Variants in PLB1 observed in about 807,000 individuals in gnomAD.
The protein encoded by PLB1 is phospholipase B1.
A neutral mutation model predicts 227.4 loss-of-function variants in PLB1; 242 were observed. That is an observed-to-expected ratio of 1.06 (90% CI 0.96 to 1.18). The LOEUF (loss-of-function observed/expected upper bound fraction) is 1.18, where lower values mean the gene tolerates loss of function less well. Ranked by LOEUF, PLB1 falls within the 50% of genes most tolerant of loss-of-function variation. PLB1 has a pLI of 0.00. For synonymous variants in PLB1, 757 were observed against 682.2 expected (o/e 1.11, Z -1.71); for missense variants, 1,858 against 1,816.3 (o/e 1.02, Z -0.42).
intron 31 of PLB1, 97 bp from the exon 32 acceptor site, chr2:28,592,564 G>T: frequency 8.1e-7 from 1 of 1,228,666 alleles, no homozygotes. Flanking sequence ...CAGTGCTCAT[G>T]CAGATTGTGT....
intron 6 of PLB1, among the ~76,000 whole-genome samples, chr2:28,528,513 C>T (rs766479616): frequency 6.6e-5 from 10 of 152,200 alleles, no homozygotes; most frequent in South Asian, 4.1e-4. Context: ...GAAGGCAGCC[C>T]GAGTCCCTGT....
At chr2:28,533,726 A>C (rs1671318617) in intron 9 of PLB1, among the ~76,000 whole-genome samples, 1 of 152,246 alleles carries the variant, frequency 6.6e-6, no homozygotes, top group Non-Finnish European at 1.5e-5. Context: ...GTATGAATGC[A>C]TTTATGAATA....
intron 21 of PLB1, among the ~76,000 whole-genome samples, chr2:28,577,473 C>A (rs553808728): frequency 6.6e-6 from 1 of 152,298 alleles, no homozygotes; most frequent in African/African-American, 2.4e-5. Flanking sequence ...TACTTACAGG[C>A]AAAACTTCTG....
intron 56 of PLB1, 192 bp downstream of exon 56, chr2:28,633,231 A>G (rs1688890199): frequency 3.5e-6 from 2 of 564,546 alleles, no homozygotes; most frequent in African/African-American, 1.9e-5. Flanking sequence ...CACCCTTTGA[A>G]AGTTATACAA....
In PLB1 at chr2:28,630,624, T is replaced by C. The variant is rs938156811; in HGVS notation, c.3857T>C (p.Leu1286Pro). 4 of 1,613,630 alleles carry C rather than the reference T, an allele frequency of 2.5e-6. No homozygotes were observed. Among genetic ancestry groups the C allele is most frequent in the Non-Finnish European group, 3.4e-6 (4 of 1,179,804 alleles). ...TGCCTCAGACACTCGCAAAGCTCCC[T>C]GGAGAAGCAAGAACTGAAGAAAGTG... ...CTCLRHSQSSLEKQELKKVNW... is the reference protein window; with the variant it reads ...CTCLRHSQSSPEKQELKKVNW... Residue 1286 changes from leucine to proline, a missense_variant, in exon 54 of 58, where the codon CTG becomes CCG. Coordinates refer to ENST00000327757, the MANE Select transcript of PLB1 (RefSeq NM_153021.5).
At chr2:28,582,197 G>C (rs1680144786) in intron 24 of PLB1, 64 bp downstream of exon 24, 1 of 1,547,886 alleles carries the variant, frequency 6.5e-7, no homozygotes, top group Non-Finnish European at 8.9e-7. Context: ...GGAAGCTCTG[G>C]CATCCTGCTG....
At chr2:28,623,253 C>T (rs1687282012) in intron 49 of PLB1, among the ~76,000 whole-genome samples, 1 of 152,150 alleles carries the variant, frequency 6.6e-6, no homozygotes, top group East Asian at 1.9e-4. Context: ...CCACTGGTCC[C>T]TGGGGTAAAA....
intron 37 of PLB1, 55 bp from the exon 38 acceptor site, chr2:28,601,844 A>C: frequency 7.0e-7 from 1 of 1,434,980 alleles, no homozygotes; most frequent in South Asian, 1.1e-5. Flanking sequence ...GAACTGCCCC[A>C]CTGCCCTCCC....
At chr2:28,636,033 G>GTGTGTGTGTGTA (rs1553467799) in intron 56 of PLB1, among the ~76,000 whole-genome samples, 4 of 149,692 alleles carry the variant, frequency 2.7e-5, no homozygotes, top group African/African-American at 7.4e-5. Flanking sequence ...GTGTGTATGT[G>GTGTGTGTGTGTA]TGTGTGTGTA....
chr2:28,525,224 C>T (rs1356696602), intron 4 of PLB1, 43 bp from the exon 5 acceptor site: 4 of 1,598,022 alleles, frequency 2.5e-6, no homozygotes, highest in South Asian at 2.2e-5. Context: ...AGAGGCTCTG[C>T]CACCTCCCCT....
chr2:28,537,400 A>C (rs1440785837), intron 9 of PLB1, among the ~76,000 whole-genome samples: 3 of 152,114 alleles, frequency 2.0e-5, no homozygotes, highest in Non-Finnish European at 4.4e-5. Context: ...CACATTGAAA[A>C]GGTAAAGCAG....
At chr2:28,599,972 A>T (rs1003813607) in intron 35 of PLB1, among the ~76,000 whole-genome samples, 4 of 151,922 alleles carry the variant, frequency 2.6e-5, no homozygotes, top group African/African-American at 9.7e-5. Context: ...CTATGGCATG[A>T]TCTCAGTTCA....
At chr2:28,571,941 G>C (rs765762881) in intron 20 of PLB1, among the ~76,000 whole-genome samples, 5 of 152,108 alleles carry the variant, frequency 3.3e-5, no homozygotes. Flanking sequence ...GATATTTTGC[G>C]CTTCAAAGGA....
intron 2 of PLB1, among the ~76,000 whole-genome samples, chr2:28,517,723 C>A (rs1669016934): frequency 1.3e-5 from 2 of 152,194 alleles, no homozygotes; most frequent in South Asian, 2.1e-4. Flanking sequence ...TTAATTACTT[C>A]TTTTCCTGAG....
At chr2:28,639,933 G>A (rs1488477075) in intron 56 of PLB1, among the ~76,000 whole-genome samples, 5 of 152,280 alleles carry the variant, frequency 3.3e-5, no homozygotes, top group East Asian at 1.9e-4. Context: ...TGCACAGCTC[G>A]TTACCAGCAG....
At chr2:28,526,187 G>T (rs1670240240) in intron 6 of PLB1, among the ~76,000 whole-genome samples, 1 of 152,110 alleles carries the variant, frequency 6.6e-6, no homozygotes, top group Non-Finnish European at 1.5e-5. Context: ...TGGGCATTGG[G>T]TTAAGATTGG....
intron 53 of PLB1, 114 bp from the exon 54 acceptor site, chr2:28,630,472 A>G: frequency 1.2e-6 from 1 of 804,272 alleles, no homozygotes; most frequent in East Asian, 2.7e-5. Flanking sequence ...GTAAGGCAGC[A>G]CAGGCTGCAG....
In PLB1 at chr2:28,598,744, C is replaced by A. The variant is rs554962779; in HGVS notation, c.2458C>A (p.Pro820Thr). 1.2e-6 allele frequency: 2 copies of A among 1,613,916 alleles called. No homozygotes were observed. The highest frequency in any genetic ancestry group is 1.7e-5 in the Admixed American group (1 of 60,036). Reference protein sequence around the residue: ...DTNAFLNQAVPGAKAEDLMSQ... With the variant: ...DTNAFLNQAVTGAKAEDLMSQ... Reference sequence around the variant, plus strand: ...GAATGCATTCCTCAATCAAGCTGTTCCCGGAGCAAAGGCTGAGTATGGCAT... The same window carrying A: ...GAATGCATTCCTCAATCAAGCTGTTACCGGAGCAAAGGCTGAGTATGGCAT... Residue 820 changes from proline (P) to threonine (T), a missense_variant, in exon 35 of 58, where the codon CCC becomes ACC. Pro to Thr is a conservative substitution (Grantham distance 38, BLOSUM62 -1). Coordinates refer to ENST00000327757, the MANE Select transcript of PLB1 (RefSeq NM_153021.5).
At chr2:28,563,001 G>A in intron 17 of PLB1, 40 bp from the exon 18 acceptor site, 1 of 1,574,628 alleles carries the variant, frequency 6.4e-7, no homozygotes, top group Non-Finnish European at 8.7e-7. Flanking sequence ...GTGCTTTCCT[G>A]GAAGCCCCAT....
Sources: gnomAD v4.1 joint callset for allele counts (sites outside exome capture counted in the v4.1 genomes callset) on GRCh38, gnomAD v4.1.1 for gene constraint, MANE v1.5 for transcripts, NCBI Gene and HGNC (gene_info 2026-07-23, HGNC 2026-07-21) for gene names.